The following SLC35H1 variants were observed in gnomAD, a reference collection of about 807,000 sequenced individuals.
SLC35H1 encodes the protein ovarian cancer-overexpressed gene 1 protein.
chr20:46,357,805 T>G, the SLC35H1 span: 1 of 1,609,382 alleles, frequency 6.2e-7, no homozygotes, highest in Non-Finnish European at 8.5e-7. Context: ...CACCCCGGCT[T>G]GGTTTAGACA....
the SLC35H1 span, among the ~76,000 whole-genome samples, chr20:46,361,019 C>A: frequency 4.6e-5 from 7 of 152,266 alleles, no homozygotes; most frequent in African/African-American, 1.7e-4. Flanking sequence ...CTTCAAATGC[C>A]TTCTGTAAGC....
At chr20:46,349,598 T>C in the SLC35H1 span, 2 of 152,520 alleles carry the variant, frequency 1.3e-5, no homozygotes, top group Non-Finnish European at 2.9e-5. Flanking sequence ...GACTCTGAGA[T>C]AGACATTATC....
the SLC35H1 span, chr20:46,350,970 C>T: frequency 2.3e-3 from 3,648 of 1,558,256 alleles, 69 homozygotes; most frequent in African/African-American, 0.045. Context: ...GGTGGGGGCA[C>T]TAGGTACACT....
the SLC35H1 span, chr20:46,355,014 G>A: frequency 5.0e-6 from 8 of 1,613,750 alleles, no homozygotes; most frequent in South Asian, 7.7e-5. The surrounding 1 kb of genome is among the most constrained non-coding windows in gnomAD (Gnocchi z 4.8). Flanking sequence ...GCCCTGCCCT[G>A]CCTCCGCCCT....
At chr20:46,357,099 C>G in the SLC35H1 span, among the ~76,000 whole-genome samples, 6 of 152,184 alleles carry the variant, frequency 3.9e-5, no homozygotes, top group Non-Finnish European at 5.9e-5. Context: ...CCTTCCAGAC[C>G]CCACAGCTGG....
the SLC35H1 span, chr20:46,355,058 G>C: frequency 6.2e-7 from 1 of 1,614,000 alleles, no homozygotes; most frequent in Admixed American, 1.7e-5. This position sits in a 1 kb window ranked among gnomAD's most constrained non-coding sequence, Gnocchi z 4.8. Context: ...TGGAGGATGA[G>C]TGGCACGTGC....
the SLC35H1 span, among the ~76,000 whole-genome samples, chr20:46,356,795 T>G: frequency 6.6e-6 from 1 of 152,200 alleles, no homozygotes; most frequent in Non-Finnish European, 1.5e-5. Flanking sequence ...ACTAAAGGGT[T>G]AATATCTGGC....
the SLC35H1 span, chr20:46,349,476 T>G: frequency 6.6e-6 from 1 of 152,264 alleles, no homozygotes; most frequent in African/African-American, 2.4e-5. Flanking sequence ...GCCCGGCCAC[T>G]TAAGCAGCTC....
At chr20:46,359,358 A>G in the SLC35H1 span, among the ~76,000 whole-genome samples, 1 of 152,128 alleles carries the variant, frequency 6.6e-6, no homozygotes, top group Non-Finnish European at 1.5e-5. Flanking sequence ...GATTTGAGTA[A>G]TGTCTGTCCC....
At chr20:46,357,394 C>A in the SLC35H1 span, among the ~76,000 whole-genome samples, 1 of 152,314 alleles carries the variant, frequency 6.6e-6, no homozygotes, top group East Asian at 1.9e-4. Flanking sequence ...TGCGGGGCCG[C>A]AGGTGCAGGG....
At chr20:46,362,189 T>C in the SLC35H1 span, among the ~76,000 whole-genome samples, 1 of 152,182 alleles carries the variant, frequency 6.6e-6, no homozygotes, top group African/African-American at 2.4e-5. Context: ...CAAGCACTCC[T>C]GTAGGCCCAC....
chr20:46,346,078 T>G, the SLC35H1 span: 1 of 152,206 alleles, frequency 6.6e-6, no homozygotes, highest in Non-Finnish European at 1.5e-5. Context: ...ACTGATGGAA[T>G]GCATTTGAAT....
chr20:46,355,151 C>T, the SLC35H1 span: 14 of 1,614,106 alleles, frequency 8.7e-6, no homozygotes, highest in Middle Eastern at 1.6e-4. The surrounding 1 kb of genome is among the most constrained non-coding windows in gnomAD (Gnocchi z 4.8). Context: ...AGCACCAAGG[C>T]GAAGCCCTCC....
the SLC35H1 span, chr20:46,354,873 C>A: frequency 7.7e-5 from 122 of 1,587,670 alleles, no homozygotes; most frequent in Non-Finnish European, 9.9e-5. Flanking sequence ...GAGGGAAGGC[C>A]CAACGTACCT....
chr20:46,352,237 C>T, the SLC35H1 span: 1 of 1,613,670 alleles, frequency 6.2e-7, no homozygotes, highest in African/African-American at 1.3e-5. Context: ...CTGAAAGCAA[C>T]AGGGAGAGAG....
chr20:46,350,644 T>G, the SLC35H1 span: 3 of 820,078 alleles, frequency 3.7e-6, no homozygotes, highest in South Asian at 1.5e-5. Flanking sequence ...GACCCCCACA[T>G]CTTCCTAGAG....
At chr20:46,352,033 T>A in the SLC35H1 span, 2 of 1,612,886 alleles carry the variant, frequency 1.2e-6, no homozygotes, top group Non-Finnish European at 1.7e-6. Context: ...AGGACTGGCA[T>A]CACGCCCGAG....
the SLC35H1 span, chr20:46,355,293 G>A: frequency 6.4e-7 from 1 of 1,552,322 alleles, no homozygotes; most frequent in Non-Finnish European, 8.7e-7. This position sits in a 1 kb window ranked among gnomAD's most constrained non-coding sequence, Gnocchi z 4.8. Flanking sequence ...GAGGGTCAAG[G>A]GTTCATCACA....
chr20:46,348,639 A>G, the SLC35H1 span: 1 of 152,264 alleles, frequency 6.6e-6, no homozygotes, highest in African/African-American at 2.4e-5. Flanking sequence ...AATTAGAGGC[A>G]GATCTCGGTC....
Sources: gnomAD v4.1 joint callset for allele counts (sites outside exome capture counted in the v4.1 genomes callset) on GRCh38, gnomAD v4.1.1 for gene constraint, Gnocchi (gnomAD v3.1) non-coding constraint, MANE v1.5 for transcripts, NCBI Gene and HGNC (gene_info 2026-07-23, HGNC 2026-07-21) for gene names.